AP3D1: variants seen among roughly 807,000 people sequenced by gnomAD.
AP3D1 encodes the protein adaptor related protein complex 3 subunit delta 1, also known as AP-3 complex subunit delta-1.
In AP3D1, 51 loss-of-function variants were observed where a neutral mutation model predicts 147.6. The observed-to-expected ratio is 0.35, with a 90% CI of 0.28 to 0.44. The LOEUF (loss-of-function observed/expected upper bound fraction) is 0.44, where lower values mean the gene tolerates loss of function less well. Among genes scored for constraint, AP3D1 ranks in the 20% least tolerant of loss-of-function variants. AP3D1 has a pLI of 1.00. For missense variants in AP3D1, 1,421 were observed against 1,624.2 expected (o/e 0.87, Z 2.15); for synonymous variants, 760 against 663.0 (o/e 1.15, Z -2.25).
upstream of AP3D1, among the ~76,000 whole-genome samples, chr19:2,155,158 G>A (rs1599505993): frequency 1.3e-5 from 2 of 151,940 alleles, no homozygotes; most frequent in African/African-American, 4.8e-5. Context: ...TCCAGCCTGG[G>A]TGACAAGAGC....
Position 2,111,721 on chromosome 19 carries a change from C to T in AP3D1, c.2895G>A (p.Gly965=). ...CTGGCGCGCCATTCTGCACCGGCTC[C>T]CCCGCTGCCTCCTCGCTGCCTGGAG... The part of the protein sequence containing the change: ...KQPPGSEEAA[G]EPVQNGAPEE... The change falls in exon 25 of 32, where the codon GGG becomes GGA. Residue 965 remains glycine, a synonymous_variant. Coordinates refer to ENST00000643116, the MANE Select transcript of AP3D1 (RefSeq NM_001261826.3). 2 of 1,604,080 alleles carry T rather than the reference C, an allele frequency of 1.2e-6. No homozygotes were observed. Among genetic ancestry groups the T allele is most frequent in the Non-Finnish European group, 1.7e-6 (2 of 1,176,032 alleles).
intron 4 of AP3D1, 144 bp downstream of exon 4, chr19:2,136,867 A>C (rs1362930628): frequency 1.4e-6 from 1 of 736,842 alleles, no homozygotes; most frequent in Admixed American, 2.2e-5. Flanking sequence ...GTCTGCTGGG[A>C]GGACTGTGGC....
chr19:2,158,049 A>G (rs1241073031), intron 1 of AP3D1, among the ~76,000 whole-genome samples: 3 of 151,866 alleles, frequency 2.0e-5, no homozygotes, highest in Admixed American at 6.6e-5. Context: ...TCCACGGCTC[A>G]GCAGAATTTT....
chr19:2,149,390 C>CA (rs2019446330), intron 1 of AP3D1, among the ~76,000 whole-genome samples: 2 of 151,918 alleles, frequency 1.3e-5, no homozygotes, highest in Admixed American at 1.3e-4. Context: ...ACTAAAAATA[C>CA]AAAATTAGCT....
At chr19:2,161,411 C>A (rs961819414) in intron 1 of AP3D1, among the ~76,000 whole-genome samples, 4 of 152,002 alleles carry the variant, frequency 2.6e-5, no homozygotes, top group Non-Finnish European at 5.9e-5. Context: ...ATCCGCCCCC[C>A]TCAGCCTCCC....
At chr19:2,147,302 G>A (rs112555198) in intron 1 of AP3D1, among the ~76,000 whole-genome samples, 2,927 of 141,598 alleles carry the variant, frequency 0.021, 50 homozygotes, top group Non-Finnish European at 0.029. Context: ...CCGAGATCGC[G>A]CCATTGCACT....
intron 1 of AP3D1, among the ~76,000 whole-genome samples, chr19:2,159,683 C>T (rs573622003): frequency 1.2e-4 from 18 of 148,772 alleles, no homozygotes; most frequent in Non-Finnish European, 2.4e-4. Flanking sequence ...CCACCGTGCC[C>T]GGCCGCCTAG....
intron 3 of AP3D1, 49 bp from the exon 4 acceptor site, chr19:2,137,140 C>G (rs1247241055): frequency 6.8e-7 from 1 of 1,477,554 alleles, no homozygotes; most frequent in Admixed American, 2.0e-5. Context: ...CCGCAGCCTC[C>G]AGGAGCTCCA....
At chr19:2,157,009 A>G (rs2019650620) in intron 1 of AP3D1, among the ~76,000 whole-genome samples, 1 of 150,762 alleles carries the variant, frequency 6.6e-6, no homozygotes, top group African/African-American at 2.4e-5. Context: ...GTTTGTTGAA[A>G]AAAACAAACA....
intron 1 of AP3D1, among the ~76,000 whole-genome samples, chr19:2,139,511 A>G (rs1344179497): frequency 1.3e-5 from 2 of 152,200 alleles, no homozygotes; most frequent in African/African-American, 4.8e-5. Context: ...AATGGCAGAC[A>G]AGGTTCCCAA....
At position 2,110,137 on chromosome 19, in the gene AP3D1, T is replaced by C. The variant is rs199895376; in HGVS notation, c.3263A>G (p.Lys1088Arg). The stretch of plus-strand genomic sequence containing the variant: ...AACGCCAAGTGGAGCCCTGCATACC[T>C]TGGCAATGAAGGACAGGGTCCCCTT... ...KLKGTLSFIAKNDEGATHEKL... is the reference protein window; with the variant it reads ...KLKGTLSFIARNDEGATHEKL... The change falls in exon 28 of 32, where the codon AAG becomes AGG. Residue 1088 changes from lysine (K) to arginine (R), a missense_variant and splice_region_variant. Coordinates refer to ENST00000643116, the MANE Select transcript of AP3D1 (RefSeq NM_001261826.3). 18 of 1,612,738 alleles carry C rather than the reference T, an allele frequency of 1.1e-5. No homozygotes were observed. The highest frequency in any genetic ancestry group is 5.3e-5 in the African/African-American group (4 of 74,868).
chr19:2,143,227 C>T (rs904196799), intron 1 of AP3D1, among the ~76,000 whole-genome samples: 1 of 139,340 alleles, frequency 7.2e-6, no homozygotes. Context: ...CCATGCCTGC[C>T]TAATTTTTTT....
chr19:2,102,145 G>A lies in AP3D1; in HGVS notation c.*28C>T, dbSNP rs753576154. On this transcript the variant is annotated 3_prime_UTR_variant, in exon 32 of 32. Transcript: ENST00000643116. ...TGCGGTCCCTGGGTACGTGCTCCGC[G>A]GGGTGGTGCGGGGCTCGCAGGCAGC... 1.3e-5 allele frequency: 20 copies of A among 1,579,250 alleles called. No homozygotes were observed. Among genetic ancestry groups the A allele is most frequent in the East Asian group, 2.2e-5 (1 of 44,732 alleles).
Position 2,116,005 on chromosome 19 carries a change from C to A in AP3D1, c.2073+202G>T, listed in dbSNP as rs958202911. Among the ~76,000 whole-genome samples the A allele has an allele frequency of 2.0e-5, 3 of 152,260 alleles. No homozygotes were observed. In the East Asian group the frequency reaches 5.8e-4, roughly 29 times the overall value. On this transcript the variant is annotated intron_variant, in intron 18 of 31. Coordinates refer to ENST00000643116, the MANE Select transcript of AP3D1 (RefSeq NM_001261826.3). ...CAGCTGGGCTGCCAGGCGCAGGGAA[C>A]AGGGCCCCCCGGCTGGAGGCTCGAA...
At chr19:2,142,784 C>CA (rs1372917272) in intron 1 of AP3D1, among the ~76,000 whole-genome samples, 1 of 150,360 alleles carries the variant, frequency 6.7e-6, no homozygotes, top group Non-Finnish European at 1.5e-5. Flanking sequence ...TTATTTGAGA[C>CA]AGAGTTTCAC....
In AP3D1 at chr19:2,118,848, A is replaced by G; in HGVS notation, c.1482-16T>C. On this transcript the variant is annotated splice_polypyrimidine_tract_variant and intron_variant, in intron 14 of 31. Transcript: ENST00000643116. Reference sequence around the variant, plus strand: ...CTGCAGATGCCTGAGGACAGGAAACACTGTGAGCCCCCAGGATGCCAATCC... The same window carrying G: ...CTGCAGATGCCTGAGGACAGGAAACGCTGTGAGCCCCCAGGATGCCAATCC... 6.2e-7 allele frequency: 1 copy of G among 1,606,482 alleles called. No homozygotes were observed. Among genetic ancestry groups the G allele is most frequent in the East Asian group, 2.2e-5 (1 of 44,662 alleles).
chr19:2,141,683 A>C (rs989350265), intron 1 of AP3D1, among the ~76,000 whole-genome samples: 3 of 151,316 alleles, frequency 2.0e-5, no homozygotes, highest in African/African-American at 7.3e-5. Context: ...CTCATGATCC[A>C]CCTGTCTCAG....
chr19:2,164,363 C>G, exon 1 of AP3D1: 1 of 802,736 alleles, frequency 1.2e-6, no homozygotes, highest in Non-Finnish European at 1.7e-6. Flanking sequence ...CACCGGTCCC[C>G]CCTGCGGAAC....
At chr19:2,162,258 G>C (rs1171156279) in intron 1 of AP3D1, among the ~76,000 whole-genome samples, 2 of 149,570 alleles carry the variant, frequency 1.3e-5, no homozygotes, top group South Asian at 4.2e-4. Context: ...GGATGGTCTC[G>C]ATCTCCTGAC....
Sources: allele counts gnomAD v4.1 joint callset (sites outside exome capture counted in the v4.1 genomes callset), GRCh38; gene constraint gnomAD v4.1.1; transcripts MANE v1.5; gene names NCBI Gene and HGNC (gene_info 2026-07-23, HGNC 2026-07-21).